Variants in ARHGEF28 observed in about 807,000 individuals in gnomAD.
The protein encoded by ARHGEF28 is 190 kDa guanine nucleotide exchange factor.
In ARHGEF28, 152 loss-of-function variants were observed where a neutral mutation model predicts 206.6. The observed-to-expected ratio is 0.74, with a 90% CI of 0.64 to 0.84. ARHGEF28 has a LOEUF of 0.84. ARHGEF28 is among the 40% of genes least tolerant of loss of function. The pLI is 0.00. For missense variants in ARHGEF28, 2,028 were observed against 2,073.2 expected (o/e 0.98, Z 0.42); for synonymous variants, 763 against 776.4 (o/e 0.98, Z 0.29).
chr5:73,831,340 G>A (rs1757289819), intron 9 of ARHGEF28, among the ~76,000 whole-genome samples: 1 of 152,202 alleles, frequency 6.6e-6, no homozygotes, highest in African/African-American at 2.4e-5. Flanking sequence ...GCTCGAATGT[G>A]TTTTATTGCC....
At position 73,740,366 on chromosome 5, in the gene ARHGEF28, C is replaced by T. The variant is rs768193616; in HGVS notation, c.34-9471C>T. Among the ~76,000 whole-genome samples, 8 of 152,228 alleles carry T rather than the reference C, an allele frequency of 5.3e-5. No individual in the cohort carries two copies. The East Asian group carries it at 1.3e-3, about 26-fold the overall frequency. The stretch of plus-strand genomic sequence containing the variant: ...GTTCTTTAAGTTCTTTAGCCTCATT[C>T]TTTCTCAGAGCAAATAAGCAAAACA... On this transcript the variant is annotated intron_variant, in intron 2 of 35. Transcript: ENST00000513042.
chr5:73,720,939 C>T (rs758933650), intron 2 of ARHGEF28, among the ~76,000 whole-genome samples: 5 of 152,196 alleles, frequency 3.3e-5, no homozygotes, highest in Admixed American at 2.0e-4. Flanking sequence ...TTCAAAATAA[C>T]GGCTTATATA....
intron 4 of ARHGEF28, among the ~76,000 whole-genome samples, chr5:73,760,256 C>G (rs564272751): frequency 2.6e-5 from 4 of 151,718 alleles, no homozygotes; most frequent in Admixed American, 2.0e-4. Context: ...GTAGGAAACC[C>G]ATAAAGGACA....
intron 1 of ARHGEF28, among the ~76,000 whole-genome samples, chr5:73,642,801 T>TAG (rs1744202827): frequency 6.6e-6 from 1 of 152,190 alleles, no homozygotes; most frequent in African/African-American, 2.4e-5. Context: ...GTTAGTTGGT[T>TAG]TTTACTATCA....
At chr5:73,755,612 C>T (rs1049677737) in intron 4 of ARHGEF28, among the ~76,000 whole-genome samples, 15 of 151,914 alleles carry the variant, frequency 9.9e-5, no homozygotes, top group Non-Finnish European at 1.3e-4. Flanking sequence ...TTTTTTATGC[C>T]GATATTTAGA....
At chr5:73,926,449 C>T (rs1311737869) in intron 35 of ARHGEF28, among the ~76,000 whole-genome samples, 1 of 152,172 alleles carries the variant, frequency 6.6e-6, no homozygotes, top group Non-Finnish European at 1.5e-5. Flanking sequence ...TTAAATCTCC[C>T]AACACTCCCA....
chr5:73,887,817 A>G, intron 26 of ARHGEF28, 138 bp downstream of exon 26: 1 of 737,526 alleles, frequency 1.4e-6, no homozygotes, highest in Non-Finnish European at 2.1e-6. Flanking sequence ...ATTACTTGTG[A>G]TTGCAGTGTT....
At chr5:73,811,980 C>CAAAAAA in intron 9 of ARHGEF28, among the ~76,000 whole-genome samples, 1 of 114,520 alleles carries the variant, frequency 8.7e-6, no homozygotes, top group Non-Finnish European at 1.8e-5. Context: ...GAGCCTGTCT[C>CAAAAAA]AAAAAAAAAA....
chr5:73,631,872 C>A (rs1344730256), intron 1 of ARHGEF28, among the ~76,000 whole-genome samples: 1 of 152,180 alleles, frequency 6.6e-6, no homozygotes. Flanking sequence ...CACTTTCTGC[C>A]TGTAACCTTC....
intron 1 of ARHGEF28, among the ~76,000 whole-genome samples, chr5:73,630,588 G>A (rs772938061): frequency 1.3e-5 from 2 of 152,178 alleles, no homozygotes; most frequent in African/African-American, 2.4e-5. Flanking sequence ...CTTTCAGAAG[G>A]TAGTGAGATG....
intron 3 of ARHGEF28, 130 bp downstream of exon 3, chr5:73,750,114 C>G: frequency 3.8e-6 from 4 of 1,045,392 alleles, no homozygotes; most frequent in Non-Finnish European, 5.5e-6. Flanking sequence ...GTGTGCGTGC[C>G]TGTGTGTGTA....
intron 25 of ARHGEF28, among the ~76,000 whole-genome samples, 180 bp downstream of exon 25, chr5:73,886,284 G>A (rs1306520566): frequency 4.6e-5 from 7 of 152,216 alleles, no homozygotes; most frequent in Admixed American, 4.6e-4. Flanking sequence ...CAAATCTTTG[G>A]TGGGAGTTTG....
chr5:73,721,292 C>T (rs1749925048), intron 2 of ARHGEF28, among the ~76,000 whole-genome samples: 1 of 152,166 alleles, frequency 6.6e-6, no homozygotes, highest in Non-Finnish European at 1.5e-5. Context: ...GCTTTGGGGA[C>T]ACCTATTAGC....
chr5:73,659,082 G>C (rs1278082023), intron 1 of ARHGEF28, among the ~76,000 whole-genome samples: 1 of 151,662 alleles, frequency 6.6e-6, no homozygotes, highest in Non-Finnish European at 1.5e-5. Context: ...TCTGTATACT[G>C]ACTGCCTTCT....
intron 9 of ARHGEF28, among the ~76,000 whole-genome samples, chr5:73,802,198 A>C (rs1755178686): frequency 6.6e-6 from 1 of 152,080 alleles, no homozygotes; most frequent in Non-Finnish European, 1.5e-5. Flanking sequence ...TAACCACTTC[A>C]ATTTATGAGA....
rs758154747 is a variant in ARHGEF28, at chr5:73,901,220, C to G, written c.4010C>G (p.Ser1337Trp). ...VTGGREGRGCSDVDPGIQGVV... is the reference protein window; with the variant it reads ...VTGGREGRGCWDVDPGIQGVV... ...GGAGGGAGAGAAGGAAGAGGCTGTT[C>G]GGATGTGGATCCCGGGATCCAGGGT... Residue 1337 changes from serine (S) to tryptophan (W), a missense_variant, in exon 31 of 36, where the codon TCG becomes TGG. This residue lies in a region of ARHGEF28 where 803 missense variants were observed against 768.0 expected (regional missense o/e 1.05). Transcript: ENST00000513042. 5 of 1,613,140 alleles carry G rather than the reference C, an allele frequency of 3.1e-6. No individual in the cohort carries two copies. Among genetic ancestry groups the G allele is most frequent in the Admixed American group, 1.7e-5 (1 of 59,980 alleles).
At chr5:73,934,576 C>T (rs958195033) in intron 35 of ARHGEF28, among the ~76,000 whole-genome samples, 6 of 152,194 alleles carry the variant, frequency 3.9e-5, no homozygotes, top group African/African-American at 1.2e-4. Flanking sequence ...TTTGTTCTGG[C>T]ATCTTGACCA....
At chr5:73,658,379 G>A (rs529200000) in intron 1 of ARHGEF28, among the ~76,000 whole-genome samples, 4 of 152,264 alleles carry the variant, frequency 2.6e-5, no homozygotes, top group South Asian at 2.1e-4. Context: ...GGTAGAAGGG[G>A]AGGGTAACAC....
chr5:73,767,412 C>T (rs1752955600), intron 4 of ARHGEF28, among the ~76,000 whole-genome samples: 1 of 152,046 alleles, frequency 6.6e-6, no homozygotes, highest in African/African-American at 2.4e-5. Flanking sequence ...TGGCTTTGCC[C>T]AAAATGATTA....
Sources: gnomAD v4.1 joint callset for allele counts (sites outside exome capture counted in the v4.1 genomes callset) on GRCh38, gnomAD v4.1.1 for gene constraint, gnomAD v4.1.1 regional missense constraint, MANE v1.5 for transcripts, NCBI Gene and HGNC (gene_info 2026-07-23, HGNC 2026-07-21) for gene names.